Variants in CITED4 observed in about 807,000 individuals in gnomAD.
CITED4 encodes the protein cbp/p300-interacting transactivator 4.
CITED4 carries 3 observed loss-of-function variants against 3.3 expected under a neutral mutation model. The observed-to-expected ratio is 0.92, with a 90% CI of 0.42 to 2.38. The LOEUF (loss-of-function observed/expected upper bound fraction) is 2.38. CITED4 is among the 30% of genes most tolerant of loss of function. CITED4 has a pLI of 0.05. For synonymous variants in CITED4, 167 were observed against 145.8 expected (o/e 1.15, Z -1.05); for missense variants, 333 against 274.2 (o/e 1.21, Z -1.51).
At position 40,861,644 on chromosome 1, in the gene CITED4, G is replaced by A; in HGVS notation, c.484C>T (p.Leu162=). ...HRVRELPELF[L]GQSEFDCFSD... The stretch of plus-strand genomic sequence containing the variant: ...AAGCAGTCGAACTCGCTCTGGCCCA[G>A]GAAGAGCTCGGGCAGCTCGCGCACG... The change falls in exon 1 of 1, where the codon CTG becomes TTG. Residue 162 remains leucine (L), a synonymous_variant. Transcript: ENST00000372638. The A allele has an allele frequency of 2.0e-6, 3 of 1,508,614 alleles. No individual in the cohort carries two copies. The highest frequency in any genetic ancestry group is 3.5e-4 in the Middle Eastern group (2 of 5,650). 93.5% of individuals were successfully genotyped at this position (1,508,614 alleles called of 1,614,324 possible). A position where few individuals can be genotyped will look rare whatever the true frequency, so the allele number is the denominator to read the frequency against.
Position 40,862,251 on chromosome 1 carries a change from G to A in CITED4, c.-124C>T, listed in dbSNP as rs1236201105. 3.6e-6 allele frequency: 2 copies of A among 550,098 alleles called. No individual in the cohort carries two copies. The highest frequency in any genetic ancestry group is 4.0e-5 in the African/African-American group (2 of 50,300). 34.1% of individuals were successfully genotyped at this position (550,098 alleles called of 1,614,324 possible). ...CGTGCGGTCCCTGCAGCTCGGCCGG[G>A]CGGAGCAAAACCAAACCCGACTGGT... On this transcript the variant is annotated 5_prime_UTR_variant, in exon 1 of 1. Transcript: ENST00000372638.
In CITED4 at chr1:40,861,683, G is replaced by A. The variant is rs1348989332; in HGVS notation, c.445C>T (p.Leu149Phe). The change falls in exon 1 of 1, where the codon CTC becomes TTC. Residue 149 changes from leucine (L) to phenylalanine (F), a missense_variant. Leu to Phe is a conservative substitution (Grantham distance 22). Coordinates refer to ENST00000372638, the MANE Select transcript of CITED4 (RefSeq NM_133467.3). ...EEALTSLELE[L>F]GLHRVRELPE... ...AGCTCGCGCACGCGGTGCAGCCCGA[G>A]CTCCAGCTCCAGCGACGTCAGCGCC... The A allele has an allele frequency of 5.4e-6, 8 of 1,490,672 alleles. No individual in the cohort carries two copies. The South Asian group carries it at 7.4e-5, about 14-fold the overall frequency. 92.3% of individuals were successfully genotyped at this position (1,490,672 alleles called of 1,614,324 possible). A position where few individuals can be genotyped will look rare whatever the true frequency, so the allele number is the denominator to read the frequency against.
Position 40,861,439 on chromosome 1 carries a change from C to T in CITED4, c.*134G>A. On this transcript the variant is annotated 3_prime_UTR_variant, in exon 1 of 1. Transcript: ENST00000372638. Reference sequence around the variant, plus strand: ...GGGACGCCAGGGTCCCAGTCCGGTGCCGGGCCCTGCGCACACAGCCGCCGC... The same window carrying T: ...GGGACGCCAGGGTCCCAGTCCGGTGTCGGGCCCTGCGCACACAGCCGCCGC... The T allele has an allele frequency of 2.4e-6, 1 of 422,352 alleles. No individual in the cohort carries two copies. Among genetic ancestry groups the T allele is most frequent in the African/African-American group, 2.1e-5 (1 of 47,992 alleles). The allele number at this position is 422,352 out of a possible 1,614,324, so 26.2% of individuals were successfully genotyped here. A position where few individuals can be genotyped will look rare whatever the true frequency, so the allele number is the denominator to read the frequency against.
In CITED4 at chr1:40,861,335, G is replaced by A. The variant is rs1391017148; in HGVS notation, c.*238C>T. On this transcript the variant is annotated 3_prime_UTR_variant, in exon 1 of 1. Transcript: ENST00000372638. ...AGAGTCCGAAAGCTGAAGCTGGTCC[G>A]GTCTCTTTCACTTTACGGCCGAGGC... is the stretch of plus-strand genomic sequence containing the variant. 1.0e-5 allele frequency: 3 copies of A among 294,100 alleles called. No individual in the cohort carries two copies. The highest frequency in any genetic ancestry group is 5.4e-5 in the East Asian group (1 of 18,438). The allele number at this position is 294,100 out of a possible 1,614,324, so 18.2% of individuals were successfully genotyped here.
Position 40,861,719 on chromosome 1 carries a change from T to C in CITED4, c.409A>G (p.Ile137Val), listed in dbSNP as rs770900582. The change falls in exon 1 of 1, where the codon ATC becomes GTC. Residue 137 changes from isoleucine (I) to valine (V), a missense_variant. Coordinates refer to ENST00000372638, the MANE Select transcript of CITED4 (RefSeq NM_133467.3). Reference sequence around the variant, plus strand: ...AGCGACGTCAGCGCCTCCTCGTCGATGAGTTCGGCGTCCATGCCGCCCAGG... The same window carrying C: ...AGCGACGTCAGCGCCTCCTCGTCGACGAGTTCGGCGTCCATGCCGCCCAGG... ...HALGGMDAEL[I>V]DEEALTSLEL... 46 of 1,455,026 alleles carry C rather than the reference T, an allele frequency of 3.2e-5. No individual in the cohort carries two copies. Among genetic ancestry groups the C allele is most frequent in the Non-Finnish European group, 4.0e-5 (44 of 1,100,736 alleles). 90.1% of individuals were successfully genotyped at this position (1,455,026 alleles called of 1,614,324 possible). A position where few individuals can be genotyped will look rare whatever the true frequency, so the allele number is the denominator to read the frequency against.
Position 40,861,290 on chromosome 1 carries a change from G to A in CITED4, c.*283C>T, listed in dbSNP as rs538505146. Reference sequence around the variant, plus strand: ...TGGGGGAAGAGGGCGGCGAGGGGGAGAGGACACGATCCAAGAACCAGAGTC... The same window carrying A: ...TGGGGGAAGAGGGCGGCGAGGGGGAAAGGACACGATCCAAGAACCAGAGTC... On this transcript the variant is annotated 3_prime_UTR_variant, in exon 1 of 1. Transcript: ENST00000372638. 19 of 215,918 alleles carry A rather than the reference G, an allele frequency of 8.8e-5. No individual in the cohort carries two copies. The highest frequency in any genetic ancestry group is 3.6e-4 in the South Asian group (2 of 5,496). 13.4% of individuals were successfully genotyped at this position (215,918 alleles called of 1,614,324 possible). A position where few individuals can be genotyped will look rare whatever the true frequency, so the allele number is the denominator to read the frequency against.
In CITED4 at chr1:40,862,059, G is replaced by A; in HGVS notation, c.69C>T (p.Ala23=). The A allele has an allele frequency of 1.5e-6, 2 of 1,323,344 alleles. No homozygotes were observed. The highest frequency in any genetic ancestry group is 3.3e-5 in the East Asian group (1 of 30,574). 82.0% of individuals were successfully genotyped at this position (1,323,344 alleles called of 1,614,324 possible). ...GAGTCCGGAGCGCATGAGGGCCATG[G>A]GCGGCCGCGGCGGACGGCGGCCTCT... ...LVQRPPSAAA[A]HGPHALRTLP... Residue 23 remains alanine (A), a synonymous_variant, in exon 1 of 1, where the codon GCC becomes GCT. Transcript: ENST00000372638.
chr1:40,861,828 CG>C lies in CITED4; in HGVS notation c.299del (p.Ala100GlyfsTer43), dbSNP rs1401939815. On this transcript the variant is annotated frameshift_variant, in exon 1 of 1. Coordinates refer to ENST00000372638, the MANE Select transcript of CITED4 (RefSeq NM_133467.3). LOFTEE classifies it low-confidence loss of function (END_TRUNC). The part of the protein sequence containing the change: ...QPVATPYPGR[A>X]AAPPNAPGGP... ...CTCCCGGAGCGTTGGGGGGCGCGGC[CG>C]CGCGGCCGGGGTACGGCGTCGCCAC... 9.1e-7 allele frequency: 1 copy of C among 1,102,886 alleles called. No individual in the cohort carries two copies. The highest frequency in any genetic ancestry group is 1.7e-5 in the African/African-American group (1 of 59,532). 68.3% of individuals were successfully genotyped at this position (1,102,886 alleles called of 1,614,324 possible).
In CITED4 at chr1:40,861,658, A is replaced by G; in HGVS notation, c.470T>C (p.Leu157Pro). 1 of 1,504,132 alleles carries G rather than the reference A, an allele frequency of 6.6e-7. No individual in the cohort carries two copies. Among genetic ancestry groups the G allele is most frequent in the South Asian group, 1.2e-5 (1 of 81,940 alleles). The allele number at this position is 1,504,132 out of a possible 1,614,324, so 93.2% of individuals were successfully genotyped here. A position where few individuals can be genotyped will look rare whatever the true frequency, so the allele number is the denominator to read the frequency against. ...LELGLHRVRE[L>P]PELFLGQSEF... ...GCTCTGGCCCAGGAAGAGCTCGGGC[A>G]GCTCGCGCACGCGGTGCAGCCCGAG... is the stretch of plus-strand genomic sequence containing the variant. Residue 157 changes from leucine to proline, a missense_variant, in exon 1 of 1, where the codon CTG becomes CCG. Transcript: ENST00000372638.
chr1:40,862,137 C>G lies in CITED4; in HGVS notation c.-10G>C. The G allele has an allele frequency of 1.6e-6, 2 of 1,270,832 alleles. No individual in the cohort carries two copies. The highest frequency in any genetic ancestry group is 2.0e-6 in the Non-Finnish European group (2 of 1,009,676). 78.7% of individuals were successfully genotyped at this position (1,270,832 alleles called of 1,614,324 possible). A position where few individuals can be genotyped will look rare whatever the true frequency, so the allele number is the denominator to read the frequency against. On this transcript the variant is annotated 5_prime_UTR_variant, in exon 1 of 1. Coordinates refer to ENST00000372638, the MANE Select transcript of CITED4 (RefSeq NM_133467.3). ...TCAGGTGGTCGGCCATGGCGGCAGG[C>G]CGGCTGCCTGCGGGGACAGCGCGCG...
rs1430407267 is a variant in CITED4, at chr1:40,862,060, G to A, written c.68C>T (p.Ala23Val). 7.6e-7 allele frequency: 1 copy of A among 1,323,798 alleles called. No individual in the cohort carries two copies. The highest frequency in any genetic ancestry group is 1.5e-5 in the African/African-American group (1 of 65,022). The allele number at this position is 1,323,798 out of a possible 1,614,324, so 82.0% of individuals were successfully genotyped here. A position where few individuals can be genotyped will look rare whatever the true frequency, so the allele number is the denominator to read the frequency against. The change falls in exon 1 of 1, where the codon GCC (alanine) becomes GTC (valine). Residue 23 changes from alanine (A) to valine (V), a missense_variant. Ala to Val is a moderately conservative substitution (Grantham distance 64, BLOSUM62 0). Transcript: ENST00000372638. ...AGTCCGGAGCGCATGAGGGCCATGG[G>A]CGGCCGCGGCGGACGGCGGCCTCTG... The part of the protein sequence containing the change: ...LVQRPPSAAA[A>V]HGPHALRTLP...
In CITED4 at chr1:40,861,388, T is replaced by A. The variant is rs894620300; in HGVS notation, c.*185A>T. 5.2e-5 allele frequency: 18 copies of A among 347,234 alleles called. No homozygotes were observed. Among genetic ancestry groups the A allele is most frequent in the African/African-American group, 3.6e-4 (17 of 46,608 alleles). The allele number at this position is 347,234 out of a possible 1,614,324, so 21.5% of individuals were successfully genotyped here. A position where few individuals can be genotyped will look rare whatever the true frequency, so the allele number is the denominator to read the frequency against. On this transcript the variant is annotated 3_prime_UTR_variant, in exon 1 of 1. Coordinates refer to ENST00000372638, the MANE Select transcript of CITED4 (RefSeq NM_133467.3). ...GGGTCAGAGAAGTGAAGCCAAACTG[T>A]CCTCCCGCAGGAGGCAAGGCCTGGA...
chr1:40,861,450 G>T lies in CITED4; in HGVS notation c.*123C>A. 1 of 472,406 alleles carries T rather than the reference G, an allele frequency of 2.1e-6. No homozygotes were observed. The highest frequency in any genetic ancestry group is 3.3e-6 in the Non-Finnish European group (1 of 301,944). 29.3% of individuals were successfully genotyped at this position (472,406 alleles called of 1,614,324 possible). On this transcript the variant is annotated 3_prime_UTR_variant, in exon 1 of 1. Transcript: ENST00000372638. ...GTCCCAGTCCGGTGCCGGGCCCTGC[G>T]CACACAGCCGCCGCCTCCACCCTCG... is the stretch of plus-strand genomic sequence containing the variant.
In CITED4 at chr1:40,861,541, T is replaced by G; in HGVS notation, c.*32A>C. ...CGGCGGGCAGTCGGGCCCTTTCTCC[T>G]CTCCGGCACGCCGGGCGGGCGCCGG... is the stretch of plus-strand genomic sequence containing the variant. On this transcript the variant is annotated 3_prime_UTR_variant, in exon 1 of 1. Coordinates refer to ENST00000372638, the MANE Select transcript of CITED4 (RefSeq NM_133467.3). 5 of 1,345,428 alleles carry G rather than the reference T, an allele frequency of 3.7e-6. No individual in the cohort carries two copies. Among genetic ancestry groups the G allele is most frequent in the Non-Finnish European group, 4.8e-6 (5 of 1,048,056 alleles). The allele number at this position is 1,345,428 out of a possible 1,614,324, so 83.3% of individuals were successfully genotyped here.
rs1289976564 is a variant in CITED4 at position 40,861,166 on chromosome 1, G to C, written c.*407C>G. On this transcript the variant is annotated 3_prime_UTR_variant, in exon 1 of 1. Coordinates refer to ENST00000372638, the MANE Select transcript of CITED4 (RefSeq NM_133467.3). ...AGGTGGGAGGCCCAGCAACCACAGG[G>C]CCCAGGCAGCGGGGTGGGAGGCTCA... 6.5e-6 allele frequency: 1 copy of C among 154,876 alleles called. No individual in the cohort carries two copies. The highest frequency in any genetic ancestry group is 2.4e-5 in the African/African-American group (1 of 41,578). 9.6% of individuals were successfully genotyped at this position (154,876 alleles called of 1,614,324 possible).
At position 40,861,700 on chromosome 1, in the gene CITED4, G is replaced by T; in HGVS notation, c.428C>A (p.Thr143Lys). The part of the protein sequence containing the change: ...DAELIDEEAL[T>K]SLELELGLHR... ...CAGCCCGAGCTCCAGCTCCAGCGACGTCAGCGCCTCCTCGTCGATGAGTTC... is the reference window on the plus strand; with the variant it reads ...CAGCCCGAGCTCCAGCTCCAGCGACTTCAGCGCCTCCTCGTCGATGAGTTC... Residue 143 changes from threonine (T) to lysine (K), a missense_variant, in exon 1 of 1, where the codon ACG becomes AAG. Coordinates refer to ENST00000372638, the MANE Select transcript of CITED4 (RefSeq NM_133467.3). The T allele has an allele frequency of 1.4e-6, 2 of 1,479,366 alleles. No individual in the cohort carries two copies. Among genetic ancestry groups the T allele is most frequent in the East Asian group, 2.9e-5 (1 of 35,058 alleles). 91.6% of individuals were successfully genotyped at this position (1,479,366 alleles called of 1,614,324 possible).
At position 40,861,492 on chromosome 1, in the gene CITED4, G is replaced by C. The variant is rs977541545; in HGVS notation, c.*81C>G. Reference sequence around the variant, plus strand: ...CCACCCTCGCGGAGGGCGCGCGCGGGGCCCAGTCGCTGGGTGCAGGGTCCG... The same window carrying C: ...CCACCCTCGCGGAGGGCGCGCGCGGCGCCCAGTCGCTGGGTGCAGGGTCCG... On this transcript the variant is annotated 3_prime_UTR_variant, in exon 1 of 1. Transcript: ENST00000372638. The C allele has an allele frequency of 1.9e-5, 17 of 878,952 alleles. No homozygotes were observed. In the South Asian group the frequency reaches 6.4e-4, roughly 33 times the overall value. 54.4% of individuals were successfully genotyped at this position (878,952 alleles called of 1,614,324 possible). A position where few individuals can be genotyped will look rare whatever the true frequency, so the allele number is the denominator to read the frequency against.
Position 40,861,772 on chromosome 1 carries a change from G to C in CITED4, c.356C>G (p.Ala119Gly). 1 of 1,168,472 alleles carries C rather than the reference G, an allele frequency of 8.6e-7. No individual in the cohort carries two copies. Among genetic ancestry groups the C allele is most frequent in the East Asian group, 3.7e-5 (1 of 26,966 alleles). The allele number at this position is 1,168,472 out of a possible 1,614,324, so 72.4% of individuals were successfully genotyped here. The part of the protein sequence containing the change: ...GPPGPQPAPS[A>G]AAPPPPAHAL... ...GTGCGCGGGCGGCGGCGGGGCTGCG[G>C]CGCTTGGCGCCGGCTGCGGGCCCGG... Residue 119 changes from alanine to glycine, a missense_variant, in exon 1 of 1, where the codon GCC becomes GGC. Transcript: ENST00000372638.
In CITED4 at chr1:40,862,033, A is replaced by G; in HGVS notation, c.95T>C (p.Leu32Pro). Residue 32 changes from leucine to proline, a missense_variant, in exon 1 of 1, where the codon CTG becomes CCG. Transcript: ENST00000372638. The stretch of plus-strand genomic sequence containing the variant: ...CAGGCCCGGGCCCGCGTACGGCGGC[A>G]GAGTCCGGAGCGCATGAGGGCCATG... ...AAHGPHALRT[L>P]PPYAGPGLDS... The G allele has an allele frequency of 7.6e-7, 1 of 1,310,054 alleles. No homozygotes were observed. The allele number at this position is 1,310,054 out of a possible 1,614,324, so 81.2% of individuals were successfully genotyped here.
Sources: gnomAD v4.1 joint callset for allele counts on GRCh38, gnomAD v4.1.1 for gene constraint, MANE v1.5 for transcripts, NCBI Gene and HGNC (gene_info 2026-07-23, HGNC 2026-07-21) for gene names.